ATP8A2: variants seen among roughly 807,000 people sequenced by gnomAD.
ATP8A2 encodes ATPase phospholipid transporting 8A2.
In ATP8A2, 100 loss-of-function variants were observed where a neutral mutation model predicts 165.6. The observed-to-expected ratio is 0.60, with a 90% CI of 0.51 to 0.71. The LOEUF is 0.71. ATP8A2 is among the 30% of genes least tolerant of loss of function. ATP8A2 has a pLI of 0.00. For missense variants in ATP8A2, 1,227 were observed against 1,479.5 expected (o/e 0.83, Z 2.80); for synonymous variants, 543 against 548.8 (o/e 0.99, Z 0.15).
At chr13:26,018,633 G>A (rs1957034059) in intron 36 of ATP8A2, among the ~76,000 whole-genome samples, 1 of 152,192 alleles carries the variant, frequency 6.6e-6, no homozygotes, top group South Asian at 2.1e-4. Context: ...CCAATGGAGA[G>A]CAGGCCTTAT....
chr13:25,592,903 C>T (rs1242582922), intron 24 of ATP8A2, among the ~76,000 whole-genome samples: 1 of 152,152 alleles, frequency 6.6e-6, no homozygotes, highest in Non-Finnish European at 1.5e-5. Context: ...TAATTTTGAA[C>T]TTCATCTTTT....
At chr13:25,379,693 C>T (rs2032767194) in intron 1 of ATP8A2, among the ~76,000 whole-genome samples, 2 of 152,262 alleles carry the variant, frequency 1.3e-5, no homozygotes, top group South Asian at 4.1e-4. Context: ...ATGTAGCAAA[C>T]TAAGTGGTCT....
intron 35 of ATP8A2, among the ~76,000 whole-genome samples, chr13:26,005,964 T>G (rs1428358698): frequency 6.6e-6 from 1 of 152,052 alleles, no homozygotes; most frequent in Non-Finnish European, 1.5e-5. Context: ...TTGTTCTTTT[T>G]TCAACATTAT....
chr13:25,667,130 A>G (rs897034079), intron 24 of ATP8A2, among the ~76,000 whole-genome samples: 2 of 152,162 alleles, frequency 1.3e-5, no homozygotes, highest in African/African-American at 2.4e-5. Context: ...TCCTGTATCC[A>G]TTAAACAGTA....
chr13:25,390,194 A>G (rs539469487), intron 1 of ATP8A2, among the ~76,000 whole-genome samples: 2 of 152,214 alleles, frequency 1.3e-5, no homozygotes, highest in East Asian at 3.9e-4. Context: ...AGGTTTCACC[A>G]TCTTGGCCAG....
rs140741395 is a variant in ATP8A2 at position 25,775,327 on chromosome 13, C to T, written c.2679+368C>T. On this transcript the variant is annotated intron_variant, in intron 27 of 36. Transcript: ENST00000381655. ...GTCAGATCCTATCAGCAGAGGCCTACACCTTGCCAGGTGATCGCTGAGGTG... is the reference window on the plus strand; with the variant it reads ...GTCAGATCCTATCAGCAGAGGCCTATACCTTGCCAGGTGATCGCTGAGGTG... 3.9e-5 allele frequency among the ~76,000 whole-genome samples: 6 copies of T among 152,294 alleles called. No homozygotes were observed. In the East Asian group the frequency reaches 7.7e-4, roughly 20 times the overall value.
intron 25 of ATP8A2, among the ~76,000 whole-genome samples, chr13:25,709,580 G>A (rs2043120054): frequency 6.6e-6 from 1 of 152,144 alleles, no homozygotes; most frequent in African/African-American, 2.4e-5. Context: ...GTAGATACAT[G>A]AACACATGAC....
intron 26 of ATP8A2, among the ~76,000 whole-genome samples, chr13:25,773,772 C>T (rs1315726561): frequency 6.6e-6 from 1 of 151,842 alleles, no homozygotes; most frequent in Non-Finnish European, 1.5e-5. Context: ...GTATGTGTGT[C>T]TCTGTGTATC....
Position 25,968,629 on chromosome 13 carries a change from C to A in ATP8A2, c.3327C>A (p.Thr1109=), listed in dbSNP as rs1424987959. 9 of 1,613,798 alleles carry A rather than the reference C, an allele frequency of 5.6e-6. No individual in the cohort carries two copies. Among genetic ancestry groups the A allele is most frequent in the Non-Finnish European group, 6.8e-6 (8 of 1,180,006 alleles). The change falls in exon 35 of 37, where the codon ACC becomes ACA. Residue 1109 remains threonine (T), a synonymous_variant. Coordinates refer to ENST00000381655, the MANE Select transcript of ATP8A2 (RefSeq NM_016529.6). ...TLLEEVQELE[T]KSRVLGKAVL... is the part of the protein sequence containing the mutation. Reference sequence around the variant, plus strand: ...TGGAGGAGGTGCAGGAGCTGGAAACCAAGTCTCGAGTCCTGGGAAAAGCGG... The same window carrying A: ...TGGAGGAGGTGCAGGAGCTGGAAACAAAGTCTCGAGTCCTGGGAAAAGCGG...
At chr13:25,734,735 T>C (rs894676808) in intron 25 of ATP8A2, among the ~76,000 whole-genome samples, 1 of 152,066 alleles carries the variant, frequency 6.6e-6, no homozygotes, top group African/African-American at 2.4e-5. Flanking sequence ...GGCCCCCAGA[T>C]TCAAGCGATT....
rs115009795 is a variant in ATP8A2 at position 25,982,141 on chromosome 13, T to C, written c.3377+13462T>C. On this transcript the variant is annotated intron_variant, in intron 35 of 36. Transcript: ENST00000381655. ...AGCATTGATCTGTTGCCCAGACCTT[T>C]TGCCCTTCTTGCTCTGTCTCACCTA... Among the ~76,000 whole-genome samples, 196 of 152,328 alleles carry C rather than the reference T, an allele frequency of 1.3e-3. 1 individual carries two copies. The highest frequency in any genetic ancestry group is 4.5e-3 in the African/African-American group (189 of 41,560).
chr13:25,562,326 G>T (rs1043843782), intron 15 of ATP8A2, among the ~76,000 whole-genome samples: 6 of 152,110 alleles, frequency 3.9e-5, no homozygotes, highest in Non-Finnish European at 7.4e-5. Context: ...CCATCCTAAT[G>T]GGTATGAAGT....
At chr13:25,977,436 C>T (rs1013139638) in intron 35 of ATP8A2, among the ~76,000 whole-genome samples, 6 of 152,120 alleles carry the variant, frequency 3.9e-5, no homozygotes, top group African/African-American at 1.4e-4. Context: ...AGGAAATTAC[C>T]GAAAGGCTGC....
intron 24 of ATP8A2, among the ~76,000 whole-genome samples, chr13:25,681,706 CTCT>C (rs886672973): frequency 2.6e-5 from 4 of 152,172 alleles, no homozygotes; most frequent in African/African-American, 9.7e-5. Flanking sequence ...TTTAATTTTT[CTCT>C]TTTTAGCTCC....
chr13:25,460,158 G>A (rs7337367), intron 1 of ATP8A2, among the ~76,000 whole-genome samples: 35,072 of 152,100 alleles, frequency 0.23, 4,179 homozygotes, highest in East Asian at 0.3. Context: ...CCGAGATTGC[G>A]CCATTGCACT....
At chr13:25,935,260 C>T (rs1346497351) in intron 33 of ATP8A2, among the ~76,000 whole-genome samples, 3 of 152,138 alleles carry the variant, frequency 2.0e-5, no homozygotes, top group African/African-American at 4.8e-5. Context: ...TCTTGTTTTT[C>T]GGATTCATAA....
chr13:25,475,931 T>C (rs2035982787), intron 2 of ATP8A2, among the ~76,000 whole-genome samples: 1 of 152,242 alleles, frequency 6.6e-6, no homozygotes, highest in African/African-American at 2.4e-5. Flanking sequence ...CTTTGTCAGA[T>C]GCATAGTTTG....
chr13:25,411,734 C>T lies in ATP8A2; in HGVS notation c.76+39446C>T, dbSNP rs545803075. On this transcript the variant is annotated intron_variant, in intron 1 of 36. Coordinates refer to ENST00000381655, the MANE Select transcript of ATP8A2 (RefSeq NM_016529.6). ...ATACATATTTATATATACATACATG[C>T]ATTAAAAATTGGCCGATACTGGAAG... is the stretch of plus-strand genomic sequence containing the variant. Among the ~76,000 whole-genome samples, 16 of 152,174 alleles carry T rather than the reference C, an allele frequency of 1.1e-4. 3 individuals are homozygous for T. The highest frequency in any genetic ancestry group is 7.8e-4 in the Admixed American group (12 of 15,288).
intron 35 of ATP8A2, among the ~76,000 whole-genome samples, chr13:25,989,309 C>G (rs1956336709): frequency 6.6e-6 from 1 of 152,160 alleles, no homozygotes; most frequent in African/African-American, 2.4e-5. Flanking sequence ...TAATTTGCAG[C>G]TGAATGAGCC....
Sources: gnomAD v4.1 joint callset for allele counts (sites outside exome capture counted in the v4.1 genomes callset) on GRCh38, gnomAD v4.1.1 for gene constraint, MANE v1.5 for transcripts, NCBI Gene and HGNC (gene_info 2026-07-23, HGNC 2026-07-21) for gene names.